Variants in C10orf143 observed in about 807,000 individuals in gnomAD.
The protein encoded by C10orf143 is chromosome 10 open reading frame 143.
intron 1 of C10orf143, among the ~76,000 whole-genome samples, chr10:130,093,003 G>T (rs1461204063): frequency 1.3e-5 from 2 of 152,116 alleles, no homozygotes; most frequent in Non-Finnish European, 2.9e-5. Flanking sequence ...ATATTAGATA[G>T]ATCAACGAGA....
intron 1 of C10orf143, among the ~76,000 whole-genome samples, chr10:130,095,821 A>C (rs926299999): frequency 1.3e-5 from 2 of 152,222 alleles, no homozygotes; most frequent in Non-Finnish European, 2.9e-5. Flanking sequence ...TAAACATAGG[A>C]CCTAAAATCA....
chr10:130,077,947 T>C (rs1175009268), intron 3 of C10orf143, among the ~76,000 whole-genome samples: 2 of 152,214 alleles, frequency 1.3e-5, no homozygotes, highest in African/African-American at 2.4e-5. Flanking sequence ...GAAATTTTAT[T>C]GAGAATAACT....
downstream of C10orf143, among the ~76,000 whole-genome samples, chr10:130,059,931 G>A (rs1431524820): frequency 6.6e-6 from 1 of 152,220 alleles, no homozygotes; most frequent in African/African-American, 2.4e-5. Context: ...ACTGTAAATT[G>A]TGTGTTAGGA....
intron 1 of C10orf143, among the ~76,000 whole-genome samples, chr10:130,093,247 A>G (rs1861410258): frequency 1.3e-5 from 2 of 152,258 alleles, no homozygotes; most frequent in African/African-American, 4.8e-5. Flanking sequence ...ATTAGAATTC[A>G]GGATTAAGAA....
intron 1 of C10orf143, among the ~76,000 whole-genome samples, chr10:130,089,684 T>C (rs1226645208): frequency 2.6e-5 from 4 of 152,188 alleles, no homozygotes; most frequent in Non-Finnish European, 5.9e-5. Flanking sequence ...GTAATCAATA[T>C]GGTATTGGCA....
chr10:130,087,781 C>A (rs1356017139), intron 1 of C10orf143, among the ~76,000 whole-genome samples: 2 of 152,154 alleles, frequency 1.3e-5, no homozygotes, highest in Non-Finnish European at 2.9e-5. Context: ...CCCCAAAGCC[C>A]CTAGAAACAC....
intron 1 of C10orf143, among the ~76,000 whole-genome samples, chr10:130,103,009 C>CAT (rs1564970917): frequency 1.8e-4 from 27 of 149,694 alleles, no homozygotes; most frequent in African/African-American, 6.4e-4. Flanking sequence ...GTGTTTCGCT[C>CAT]TTGTTGCCAC....
At chr10:130,093,779 G>A (rs779400930) in intron 1 of C10orf143, among the ~76,000 whole-genome samples, 2 of 152,064 alleles carry the variant, frequency 1.3e-5, no homozygotes, top group African/African-American at 2.4e-5. Context: ...TTGGGAGGCC[G>A]AGGCGGGCGG....
intron 1 of C10orf143, among the ~76,000 whole-genome samples, chr10:130,098,903 T>A (rs539726874): frequency 1.3e-5 from 2 of 152,048 alleles, no homozygotes; most frequent in Non-Finnish European, 2.9e-5. Flanking sequence ...CTGGCCAACA[T>A]GGAGAAACCC....
chr10:130,085,840 T>C (rs181201137), intron 1 of C10orf143, among the ~76,000 whole-genome samples: 5 of 152,272 alleles, frequency 3.3e-5, no homozygotes, highest in African/African-American at 7.2e-5. Flanking sequence ...CTAAACCAAA[T>C]TGCCTTCTCA....
chr10:130,107,961 G>A (rs778275498), intron 1 of C10orf143: 2 of 1,515,540 alleles, frequency 1.3e-6, no homozygotes, highest in Admixed American at 1.7e-5. Context: ...GCAGAACTCA[G>A]AAGTTTTAAT....
At chr10:130,048,267 A>T (rs1006586979) in intron 3 of C10orf143, among the ~76,000 whole-genome samples, 5 of 152,176 alleles carry the variant, frequency 3.3e-5, no homozygotes, top group African/African-American at 1.2e-4. Context: ...CAGGGGAAAG[A>T]TGACCTGGCT....
At chr10:130,106,535 G>A (rs754910419) in intron 1 of C10orf143, 26 of 1,596,552 alleles carry the variant, frequency 1.6e-5, no homozygotes, top group Non-Finnish European at 2.2e-5. Flanking sequence ...GCAACAAAAT[G>A]AATTGATGGC....
chr10:130,056,405 A>C lies in C10orf143; in HGVS notation c.298-20435T>G, dbSNP rs1860795862. On this transcript the variant is annotated intron_variant and NMD_transcript_variant, in intron 3 of 5. Coordinates refer to the C10orf143 transcript ENST00000643056. The surrounding 1 kb of genome is among the most constrained non-coding windows in gnomAD (Gnocchi z 4.6). ...TGCACAGGGCTCAACAGCAAGGGTCATGCTGAGTCAAGCGTTCAGTGAATA... is the reference window on the plus strand; with the variant it reads ...TGCACAGGGCTCAACAGCAAGGGTCCTGCTGAGTCAAGCGTTCAGTGAATA... Among the ~76,000 whole-genome samples, 1 of 152,178 alleles carries C rather than the reference A, an allele frequency of 6.6e-6. No individual in the cohort carries two copies. The highest frequency in any genetic ancestry group is 2.1e-4 in the South Asian group (1 of 4,826).
rs953170980 is a variant in C10orf143 at position 130,107,331 on chromosome 10, A to C, written c.69+3373T>G. ...CATGCCACTAAAGAGCTGGAGACCTACAGACAGCGAGCCAAAGATCTTGAA... is the reference window on the plus strand; with the variant it reads ...CATGCCACTAAAGAGCTGGAGACCTCCAGACAGCGAGCCAAAGATCTTGAA... On this transcript the variant is annotated intron_variant, in intron 1 of 3. Transcript: ENST00000637128. The C allele has an allele frequency of 4.7e-6, 5 of 1,058,284 alleles. No homozygotes were observed. In the African/African-American group the frequency reaches 7.8e-5, roughly 16 times the overall value. The allele number at this position is 1,058,284 out of a possible 1,614,324, so 65.6% of individuals were successfully genotyped here.
chr10:130,062,149 A>G (rs1044163573), downstream of C10orf143, among the ~76,000 whole-genome samples: 2 of 152,128 alleles, frequency 1.3e-5, no homozygotes, highest in African/African-American at 2.4e-5. Context: ...GGCTGAAAAC[A>G]CCAAGAAAAT....
At chr10:130,090,316 G>A (rs1861360011) in intron 1 of C10orf143, among the ~76,000 whole-genome samples, 2 of 152,076 alleles carry the variant, frequency 1.3e-5, no homozygotes, top group Non-Finnish European at 1.5e-5. Flanking sequence ...AAGGGGTCAC[G>A]GAACTCCCTC....
At chr10:130,081,143 A>G (rs1337954731) in intron 1 of C10orf143, among the ~76,000 whole-genome samples, 2 of 152,232 alleles carry the variant, frequency 1.3e-5, no homozygotes, top group African/African-American at 4.8e-5. Context: ...AAAAGGATGG[A>G]CCAAGGTATA....
At position 130,042,906 on chromosome 10, in the gene C10orf143, C is replaced by T. The variant is rs1025396421; in HGVS notation, c.298-6936G>A. Among the ~76,000 whole-genome samples the T allele has an allele frequency of 4.6e-5, 7 of 152,250 alleles. No individual in the cohort carries two copies. The South Asian group carries it at 8.3e-4, about 18-fold the overall frequency. On this transcript the variant is annotated intron_variant and NMD_transcript_variant, in intron 3 of 5. Coordinates refer to the C10orf143 transcript ENST00000643056. ...CATTTTGTTAAATGTGTGTATCAGT[C>T]GTGGCAAAATACCCTTATCTGTTAA...
Sources: gnomAD v4.1 joint callset for allele counts (sites outside exome capture counted in the v4.1 genomes callset) on GRCh38, gnomAD v4.1.1 for gene constraint, Gnocchi (gnomAD v3.1) non-coding constraint, MANE v1.5 for transcripts, NCBI Gene and HGNC (gene_info 2026-07-23, HGNC 2026-07-21) for gene names.